The following CNTNAP5 variants were observed in gnomAD, a reference collection of about 807,000 sequenced individuals.
CNTNAP5 encodes the protein contactin-associated protein-like 5.
CNTNAP5 carries 72 observed loss-of-function variants against 150.2 expected under a neutral mutation model. That is an observed-to-expected ratio of 0.48 (90% CI 0.40 to 0.58). The LOEUF (loss-of-function observed/expected upper bound fraction) is 0.58. Ranked by LOEUF, CNTNAP5 falls within the 20% of genes least tolerant of loss-of-function variation. The pLI is 0.00. For missense variants in CNTNAP5, 1,636 were observed against 1,626.2 expected (o/e 1.01, Z -0.10); for synonymous variants, 672 against 619.8 (o/e 1.08, Z -1.25).
rs182863446 is a variant in CNTNAP5 at position 124,454,115 on chromosome 2, A to G, written c.918+7178A>G. On this transcript the variant is annotated intron_variant, in intron 6 of 23. Coordinates refer to ENST00000682447, the MANE Select transcript of CNTNAP5 (RefSeq NM_001367498.1). ...TAAAAGATACAGAATTGCAGAATGG[A>G]TAAGAGTTCACCAACCAACTATCTG... 1.1e-4 allele frequency among the ~76,000 whole-genome samples: 17 copies of G among 152,344 alleles called. No homozygotes were observed. In the East Asian group the frequency reaches 3.1e-3, roughly 28 times the overall value.
intron 22 of CNTNAP5, 109 bp downstream of exon 22, chr2:124,903,209 T>C: frequency 1.6e-6 from 1 of 624,404 alleles, no homozygotes; most frequent in Middle Eastern, 3.9e-4. Flanking sequence ...GTTTTTACTT[T>C]GTATAATAAC....
chr2:124,562,127 T>C (rs1695908095), intron 10 of CNTNAP5, among the ~76,000 whole-genome samples: 1 of 152,164 alleles, frequency 6.6e-6, no homozygotes, highest in South Asian at 2.1e-4. Context: ...CTCAGATACA[T>C]GTCTCCCTAA....
intron 17 of CNTNAP5, among the ~76,000 whole-genome samples, chr2:124,776,708 C>T (rs891862969): frequency 2.0e-5 from 3 of 152,008 alleles, no homozygotes; most frequent in Non-Finnish European, 4.4e-5. Flanking sequence ...ATGTGTCTCA[C>T]AGTATAGGAA....
chr2:124,611,577 T>C (rs1345407123), intron 12 of CNTNAP5, among the ~76,000 whole-genome samples: 1 of 152,248 alleles, frequency 6.6e-6, no homozygotes, highest in Middle Eastern at 3.2e-3. Context: ...TCAGTGGATC[T>C]CGGTTATTTT....
At chr2:124,452,809 A>G (rs1693018784) in intron 6 of CNTNAP5, among the ~76,000 whole-genome samples, 1 of 152,138 alleles carries the variant, frequency 6.6e-6, no homozygotes, top group Non-Finnish European at 1.5e-5. Flanking sequence ...AGGAAGCCAC[A>G]TCCCTAGGAA....
At chr2:124,507,476 A>G (rs953201053) in intron 8 of CNTNAP5, among the ~76,000 whole-genome samples, 2 of 152,096 alleles carry the variant, frequency 1.3e-5, no homozygotes, top group African/African-American at 2.4e-5. Flanking sequence ...CAAAACAACA[A>G]CAACAACAAA....
chr2:124,095,004 A>G (rs1317396709), intron 1 of CNTNAP5, among the ~76,000 whole-genome samples: 1 of 152,140 alleles, frequency 6.6e-6, no homozygotes, highest in Non-Finnish European at 1.5e-5. Context: ...GTGTCTTTAT[A>G]GTAGAATGAT....
chr2:124,025,597 G>T lies in CNTNAP5; in HGVS notation c.-54G>T. The stretch of plus-strand genomic sequence containing the variant: ...AGAGAGACAGCGAGAAGAAGCCGCG[G>T]CTGGCTACTGCGAATTTGGGATTCG... On this transcript the variant is annotated 5_prime_UTR_variant, in exon 1 of 24. Coordinates refer to ENST00000682447, the MANE Select transcript of CNTNAP5 (RefSeq NM_001367498.1). 1.3e-6 allele frequency: 2 copies of T among 1,529,182 alleles called. No individual in the cohort carries two copies. The highest frequency in any genetic ancestry group is 1.4e-5 in the African/African-American group (1 of 73,342). 94.7% of individuals were successfully genotyped at this position (1,529,182 alleles called of 1,614,324 possible). A position where few individuals can be genotyped will look rare whatever the true frequency, so the allele number is the denominator to read the frequency against.
intron 13 of CNTNAP5, among the ~76,000 whole-genome samples, chr2:124,666,558 T>A (rs1678705237): frequency 6.6e-6 from 1 of 152,144 alleles, no homozygotes; most frequent in South Asian, 2.1e-4. Context: ...TCCCTTCCCA[T>A]CATGACAGGG....
intron 14 of CNTNAP5, among the ~76,000 whole-genome samples, chr2:124,752,904 C>T (rs901444149): frequency 1.3e-5 from 2 of 152,096 alleles, no homozygotes; most frequent in African/African-American, 4.8e-5. Flanking sequence ...GCTGGTGGAG[C>T]AGCATGTTGG....
chr2:124,165,714 C>A (rs111412040), intron 1 of CNTNAP5, among the ~76,000 whole-genome samples: 2 of 152,046 alleles, frequency 1.3e-5, no homozygotes, highest in Admixed American at 1.3e-4. Context: ...TTTAAGTCAC[C>A]AAACATGGAG....
At chr2:124,110,826 C>T (rs1031723554) in intron 1 of CNTNAP5, among the ~76,000 whole-genome samples, 1 of 152,124 alleles carries the variant, frequency 6.6e-6, no homozygotes, top group Admixed American at 6.6e-5. Flanking sequence ...GTACATTTGC[C>T]ATTCAAAGGA....
chr2:124,914,312 C>CT lies in CNTNAP5; in HGVS notation c.*30dup. ...GAGAAACTGCAGGGTTCCTACTACTCTTTTTTCTTGTTGTTCAATTATCTC... is the reference window on the plus strand; with the variant it reads ...GAGAAACTGCAGGGTTCCTACTACTCTTTTTTTCTTGTTGTTCAATTATCTC... On this transcript the variant is annotated 3_prime_UTR_variant, in exon 24 of 24. Coordinates refer to ENST00000682447, the MANE Select transcript of CNTNAP5 (RefSeq NM_001367498.1). The CT allele has an allele frequency of 6.5e-7, 1 of 1,550,056 alleles. No homozygotes were observed. Among genetic ancestry groups the CT allele is most frequent in the Non-Finnish European group, 8.9e-7 (1 of 1,127,596 alleles).
intron 8 of CNTNAP5, among the ~76,000 whole-genome samples, chr2:124,509,319 G>A (rs1476669311): frequency 2.6e-5 from 4 of 152,136 alleles, no homozygotes; most frequent in African/African-American, 9.6e-5. Flanking sequence ...GGAAGATGAA[G>A]GACAACAGTG....
intron 3 of CNTNAP5, among the ~76,000 whole-genome samples, chr2:124,390,131 A>T (rs1318912260): frequency 6.6e-6 from 1 of 152,174 alleles, no homozygotes; most frequent in East Asian, 1.9e-4. Flanking sequence ...GATGAGCATG[A>T]ATCAATCTTT....
chr2:124,032,431 A>T (rs1001205165), intron 1 of CNTNAP5, among the ~76,000 whole-genome samples: 16 of 152,272 alleles, frequency 1.1e-4, no homozygotes, highest in Admixed American at 7.8e-4. Context: ...GCTTTAAAAA[A>T]ATTACTCTGT....
At chr2:124,395,745 G>A (rs574078985) in intron 3 of CNTNAP5, among the ~76,000 whole-genome samples, 2 of 152,192 alleles carry the variant, frequency 1.3e-5, no homozygotes, top group Admixed American at 1.3e-4. Context: ...TAGCATACAT[G>A]TTAACTAATA....
intron 11 of CNTNAP5, among the ~76,000 whole-genome samples, chr2:124,563,734 C>T (rs1348738403): frequency 6.6e-6 from 1 of 152,138 alleles, no homozygotes; most frequent in Non-Finnish European, 1.5e-5. Context: ...TGTCACATAC[C>T]CATCATGCAT....
intron 13 of CNTNAP5, among the ~76,000 whole-genome samples, chr2:124,706,746 CAAGAAGAAGAAGAAGAAG>C (rs747166844): frequency 2.3e-4 from 12 of 52,220 alleles, no homozygotes; most frequent in South Asian, 1.1e-3. Context: ...GACTCTGTTT[CAAGAAGAAGAAGAAGAAG>C]AAGAAGAAGA....
Sources: allele counts gnomAD v4.1 joint callset (sites outside exome capture counted in the v4.1 genomes callset), GRCh38; gene constraint gnomAD v4.1.1; transcripts MANE v1.5; gene names NCBI Gene and HGNC (gene_info 2026-07-23, HGNC 2026-07-21).